RABL2B: variants seen among roughly 807,000 people sequenced by gnomAD.
RABL2B encodes the protein rab-like protein 2B.
Under a neutral mutation model 26.7 loss-of-function variants are expected in RABL2B, and 17 were observed. The ratio of observed to expected loss-of-function variants is 0.64; its 90% CI spans 0.44 to 0.95. RABL2B has a LOEUF of 0.95. RABL2B is among the 40% of genes least tolerant of loss of function. The pLI, the probability that RABL2B is intolerant of heterozygous loss-of-function variation, is 0.00. For missense variants in RABL2B, 170 were observed against 277.2 expected, an observed-to-expected ratio of 0.61 and a Z score of 2.75; for synonymous variants, 70 against 103.9, an observed-to-expected ratio of 0.67 and a Z score of 1.99.
In RABL2B at chr22:50,769,562, G is replaced by T. The variant is rs782773645; in HGVS notation, c.410-10C>A. ...GTCACGTTTATGTCTGCTGTAGAGA[G>T]AAGGTAGGACATTGGTCTGTCTGTC... On this transcript the variant is annotated splice_polypyrimidine_tract_variant and intron_variant, in intron 6 of 8. Transcript: ENST00000691320. 1.3e-5 allele frequency: 21 copies of T among 1,610,344 alleles called. No individual in the cohort carries two copies. In the African/African-American group the frequency reaches 2.5e-4, roughly 19 times the overall value.
At chr22:50,771,063 G>C (rs1555918142) in intron 5 of RABL2B, 1 of 143,922 alleles carries the variant, frequency 6.9e-6, no homozygotes. Flanking sequence ...TTTTTTTTTA[G>C]ACGGAGTCTC....
At chr22:50,773,829 A>T (rs2084551585) in intron 5 of RABL2B, among the ~76,000 whole-genome samples, 3 of 151,960 alleles carry the variant, frequency 2.0e-5, no homozygotes, top group Non-Finnish European at 4.4e-5. Flanking sequence ...GCGTATTTAC[A>T]GACAATCACT....
At position 50,773,863 on chromosome 22, in the gene RABL2B, G is replaced by A. The variant is rs547860482; in HGVS notation, c.297+1909C>T. On this transcript the variant is annotated intron_variant, in intron 5 of 8. Coordinates refer to ENST00000691320, the MANE Select transcript of RABL2B (RefSeq NM_001130919.3). ...CTAAGTGGGAGGTAGGGCTAGAAAG[G>A]TGGGTGTCTAAATGCTATGGGGTGC... is the stretch of plus-strand genomic sequence containing the variant. Among the ~76,000 whole-genome samples, 18 of 152,074 alleles carry A rather than the reference G, an allele frequency of 1.2e-4. No individual in the cohort carries two copies. The East Asian group carries it at 3.5e-3, about 29-fold the overall frequency.
At position 50,769,554 on chromosome 22, in the gene RABL2B, T is replaced by C. The variant is rs2083822379; in HGVS notation, c.410-2A>G. ...TTTTTTGGGTCACGTTTATGTCTGC[T>C]GTAGAGAGAAGGTAGGACATTGGTC... is the stretch of plus-strand genomic sequence containing the variant. On this transcript the variant is annotated splice_acceptor_variant, in intron 6 of 8. Transcript: ENST00000691320. LOFTEE classifies it high-confidence loss of function. 6.2e-7 allele frequency: 1 copy of C among 1,610,772 alleles called. No homozygotes were observed. Among genetic ancestry groups the C allele is most frequent in the South Asian group, 1.1e-5 (1 of 91,030 alleles).
At chr22:50,770,094 C>A (rs2083915754) in intron 5 of RABL2B, 78 bp from the exon 6 acceptor site, 3 of 1,600,270 alleles carry the variant, frequency 1.9e-6, no homozygotes, top group Non-Finnish European at 2.6e-6. Flanking sequence ...CTCACACACC[C>A]AAGCAGGTAA....
intron 2 of RABL2B, among the ~76,000 whole-genome samples, chr22:50,781,715 G>A (rs1442959591): frequency 3.3e-5 from 5 of 152,076 alleles, no homozygotes; most frequent in South Asian, 2.1e-4. Flanking sequence ...TCTCCGGGTG[G>A]CACGTAGGCA....
chr22:50,775,455 C>T (rs1182502907), intron 5 of RABL2B, among the ~76,000 whole-genome samples: 2 of 152,162 alleles, frequency 1.3e-5, no homozygotes, highest in Non-Finnish European at 2.9e-5. Context: ...GGGAGCTTGT[C>T]TGACAGGTTA....
At chr22:50,772,705 A>ATC (rs2084366587) in intron 5 of RABL2B, 1 of 1,048,330 alleles carries the variant, frequency 9.5e-7, no homozygotes, top group Non-Finnish European at 1.2e-6. Flanking sequence ...ATTTCAATGA[A>ATC]TCACCAGGTT....
At chr22:50,773,779 G>A (rs2238835) in intron 5 of RABL2B, among the ~76,000 whole-genome samples, 28,269 of 147,648 alleles carry the variant, frequency 0.19, 3,800 homozygotes, top group African/African-American at 0.39. Context: ...GATGACACCT[G>A]CTCAGCCATG....
chr22:50,778,538 A>G (rs1287534920), intron 2 of RABL2B, among the ~76,000 whole-genome samples: 2 of 152,126 alleles, frequency 1.3e-5, no homozygotes, highest in African/African-American at 4.8e-5. Flanking sequence ...TCTATTCTGA[A>G]TGTGGTCAGT....
At chr22:50,781,050 T>G (rs1490637572) in intron 2 of RABL2B, among the ~76,000 whole-genome samples, 1 of 152,106 alleles carries the variant, frequency 6.6e-6, no homozygotes, top group Admixed American at 6.5e-5. Flanking sequence ...TATAAAATAC[T>G]AAACCAGAGG....
At chr22:50,771,885 C>T (rs1189286309) in intron 5 of RABL2B, 2 of 152,226 alleles carry the variant, frequency 1.3e-5, no homozygotes, top group Non-Finnish European at 2.9e-5. Context: ...TCTGGGATTA[C>T]AGGCATAAGC....
At chr22:50,776,282 T>C (rs568657684) in intron 4 of RABL2B, among the ~76,000 whole-genome samples, 1 of 152,332 alleles carries the variant, frequency 6.6e-6, no homozygotes, top group African/African-American at 2.4e-5. Context: ...CGCAGCCCGA[T>C]GTGGGAGATA....
At chr22:50,770,915 T>TA (rs2084056774) in intron 5 of RABL2B, among the ~76,000 whole-genome samples, 1 of 134,968 alleles carries the variant, frequency 7.4e-6, no homozygotes, top group African/African-American at 3.1e-5. Context: ...TTTTATTTTT[T>TA]TTTTTTTGTA....
chr22:50,781,343 C>CAAAAA (rs1205230491), intron 2 of RABL2B, among the ~76,000 whole-genome samples: 2 of 59,672 alleles, frequency 3.4e-5, no homozygotes, highest in Admixed American at 1.8e-4. Flanking sequence ...GACTCCGTCT[C>CAAAAA]AAAAAAAAAA....
intron 5 of RABL2B, 34 bp downstream of exon 5, chr22:50,775,738 C>T (rs1222032625): frequency 6.2e-7 from 1 of 1,613,726 alleles, no homozygotes; most frequent in Non-Finnish European, 8.5e-7. Context: ...CAGACTTGCC[C>T]AGTGCCTTTG....
chr22:50,779,960 G>A (rs1255327520), intron 2 of RABL2B, among the ~76,000 whole-genome samples: 58 of 152,258 alleles, frequency 3.8e-4, no homozygotes, highest in Non-Finnish European at 1.6e-4. Context: ...CAGCCTGGGT[G>A]ACAGAGCAAG....
Position 50,768,193 on chromosome 22 carries a change from C to T in RABL2B, c.*583G>A. The stretch of plus-strand genomic sequence containing the variant: ...AGTCAGAGGTTGCAGCGAGCCGAGA[C>T]TGCGCCACTGCACTCCAGCCTGGCG... On this transcript the variant is annotated 3_prime_UTR_variant, in exon 9 of 9. Coordinates refer to ENST00000691320, the MANE Select transcript of RABL2B (RefSeq NM_001130919.3). 1 of 199,334 alleles carries T rather than the reference C, an allele frequency of 5.0e-6. No homozygotes were observed. Among genetic ancestry groups the T allele is most frequent in the Non-Finnish European group, 1.0e-5 (1 of 96,048 alleles). 12.3% of individuals were successfully genotyped at this position (199,334 alleles called of 1,614,324 possible). A position where few individuals can be genotyped will look rare whatever the true frequency, so the allele number is the denominator to read the frequency against.
intron 5 of RABL2B, 81 bp downstream of exon 5, chr22:50,775,691 A>G (rs1555923043): frequency 1.3e-6 from 2 of 1,486,362 alleles, no homozygotes; most frequent in Non-Finnish European, 1.9e-6. Flanking sequence ...ACTTGGTTAC[A>G]AGGGCCCAGG....
Sources: gnomAD v4.1 joint callset for allele counts (sites outside exome capture counted in the v4.1 genomes callset) on GRCh38, gnomAD v4.1.1 for gene constraint, MANE v1.5 for transcripts, NCBI Gene and HGNC (gene_info 2026-07-23, HGNC 2026-07-21) for gene names.